Variants in ZBTB10 observed in about 807,000 individuals in gnomAD.
The protein encoded by ZBTB10 is zinc finger and BTB domain-containing protein 10.
ZBTB10 carries 32 observed loss-of-function variants against 76.4 expected under a neutral mutation model. That is an observed-to-expected ratio of 0.42 (90% confidence interval 0.32 to 0.56). ZBTB10 has a LOEUF of 0.56. ZBTB10 is among the 20% of genes least tolerant of loss of function. The pLI is 0.14. For synonymous variants in ZBTB10, 523 were observed against 432.9 expected (o/e 1.21, Z -2.58); for missense variants, 1,057 against 1,098.5 (o/e 0.96, Z 0.53).
upstream of ZBTB10, chr8:80,485,899 G>A (rs1017395999): frequency 1.3e-6 from 2 of 1,534,470 alleles, no homozygotes; most frequent in African/African-American, 1.4e-5. Context: ...TGTGGGCAGC[G>A]GGGAGGCGGC....
Position 80,486,361 on chromosome 8 carries a change from T to A in ZBTB10, c.-450T>A. 1 of 987,038 alleles carries A rather than the reference T, an allele frequency of 1.0e-6. No homozygotes were observed. Among genetic ancestry groups the A allele is most frequent in the Non-Finnish European group, 1.2e-6 (1 of 832,636 alleles). The allele number at this position is 987,038 out of a possible 1,614,324, so 61.1% of individuals were successfully genotyped here. A position where few individuals can be genotyped will look rare whatever the true frequency, so the allele number is the denominator to read the frequency against. ...AGCGCCTGCGAAGCCGGCGGCGGCG[T>A]CGGGACTCCTCGGCGCGCGGAGGAA... On this transcript the variant is annotated 5_prime_UTR_variant, in exon 1 of 6. Transcript: ENST00000455036.
At chr8:80,518,081 G>C (rs542085985) in intron 3 of ZBTB10, among the ~76,000 whole-genome samples, 7 of 151,740 alleles carry the variant, frequency 4.6e-5, no homozygotes, top group African/African-American at 1.7e-4. Context: ...TGCCCAGGCT[G>C]GTTGCAAACT....
At chr8:80,501,813 G>A (rs113107319) in intron 2 of ZBTB10, among the ~76,000 whole-genome samples, 39 of 152,278 alleles carry the variant, frequency 2.6e-4, no homozygotes, top group African/African-American at 9.4e-4. Context: ...GTTAAATGAA[G>A]TATTAAGGGT....
intron 2 of ZBTB10, among the ~76,000 whole-genome samples, chr8:80,508,330 A>C (rs955256359): frequency 2.6e-5 from 4 of 152,172 alleles, no homozygotes; most frequent in African/African-American, 9.7e-5. Flanking sequence ...AGATAGTGTA[A>C]ATTTTCATTC....
Position 80,525,998 on chromosome 8 carries a change from A to G in ZBTB10, c.*6470A>G, listed in dbSNP as rs1012274804. ...GATAATGTTACTGCAAGATGTAATG[A>G]CCAAATCCAACCTACTGCAAATGTT... is the stretch of plus-strand genomic sequence containing the variant. On this transcript the variant is annotated 3_prime_UTR_variant, in exon 6 of 6. Transcript: ENST00000455036. 3.3e-5 allele frequency: 5 copies of G among 152,154 alleles called. No homozygotes were observed. Among genetic ancestry groups the G allele is most frequent in the African/African-American group, 1.2e-4 (5 of 41,456 alleles). 9.4% of individuals were successfully genotyped at this position (152,154 alleles called of 1,614,324 possible). A position where few individuals can be genotyped will look rare whatever the true frequency, so the allele number is the denominator to read the frequency against.
Position 80,518,970 on chromosome 8 carries a change from T to TA in ZBTB10, c.2310+17dup, listed in dbSNP as rs748181621. 4 of 1,578,916 alleles carry TA rather than the reference T, an allele frequency of 2.5e-6. No homozygotes were observed. The highest frequency in any genetic ancestry group is 3.4e-6 in the Non-Finnish European group (4 of 1,160,788). ...ACATTCCCTGGTAAGTAACTTTAAA[T>TA]ACAGCTGATCTTTGAGATAAACTAT... On this transcript the variant is annotated intron_variant, in intron 5 of 5. Coordinates refer to ENST00000455036, the MANE Select transcript of ZBTB10 (RefSeq NM_001105539.3).
Position 80,487,182 on chromosome 8 carries a change from C to T in ZBTB10, c.372C>T (p.Ala124=), listed in dbSNP as rs545241391. ...CGGAAAGGAACCGTCGGACTCTGGC[C>T]TTCCGAGGCGGCGGCGGCGGGGGTC... ...LLAERNRRTL[A]FRGGGGGGLG... The change falls in exon 1 of 6, where the codon GCC becomes GCT. Residue 124 remains alanine (A), a synonymous_variant. Transcript: ENST00000455036. The T allele has an allele frequency of 2.3e-4, 350 of 1,536,436 alleles. 2 individuals carry two copies. In the South Asian group the frequency reaches 4.0e-3, roughly 18 times the overall value.
At position 80,523,061 on chromosome 8, in the gene ZBTB10, C is replaced by A. The variant is rs913811560; in HGVS notation, c.*3533C>A. On this transcript the variant is annotated 3_prime_UTR_variant, in exon 6 of 6. Transcript: ENST00000455036. ...TTTTTTTTTGAGTGCCCACACTTGC[C>A]GTTGTGCTGTATACATGATTTTACC... 37 of 151,558 alleles carry A rather than the reference C, an allele frequency of 2.4e-4. No homozygotes were observed. In the South Asian group the frequency reaches 5.4e-3, roughly 22 times the overall value. The allele number at this position is 151,558 out of a possible 1,614,324, so 9.4% of individuals were successfully genotyped here. A position where few individuals can be genotyped will look rare whatever the true frequency, so the allele number is the denominator to read the frequency against.
chr8:80,507,439 C>T (rs1199716186), intron 2 of ZBTB10, among the ~76,000 whole-genome samples: 5 of 151,932 alleles, frequency 3.3e-5, no homozygotes, highest in African/African-American at 4.8e-5. Flanking sequence ...AGTGAAACCC[C>T]GTCTCTACTA....
In ZBTB10 at chr8:80,521,940, G is replaced by T. The variant is rs1816457032; in HGVS notation, c.*2412G>T. On this transcript the variant is annotated 3_prime_UTR_variant, in exon 6 of 6. Transcript: ENST00000455036. ...TCAATTGAAATATGATACTTTAAAA[G>T]TTTGTTTTTAGGTAATCCAAAGGAA... 6.6e-6 allele frequency: 1 copy of T among 151,772 alleles called. No homozygotes were observed. The highest frequency in any genetic ancestry group is 2.4e-5 in the African/African-American group (1 of 41,414). The allele number at this position is 151,772 out of a possible 1,614,324, so 9.4% of individuals were successfully genotyped here.
Position 80,486,789 on chromosome 8 carries a change from G to GGCA in ZBTB10, c.-20_-19insAGC, listed in dbSNP as rs1360344120. Reference sequence around the variant, plus strand: ...CCGTGCGCGAGCCGGGGCACCGGGCGGCGGCGGCGGCGGCGCGCGCCATGT... The same window carrying GGCA: ...CCGTGCGCGAGCCGGGGCACCGGGCGGCAGCGGCGGCGGCGGCGCGCGCCATGT... On this transcript the variant is annotated 5_prime_UTR_variant, in exon 1 of 6. Transcript: ENST00000455036. 1 of 1,393,648 alleles carries GGCA rather than the reference G, an allele frequency of 7.2e-7. No individual in the cohort carries two copies. The highest frequency in any genetic ancestry group is 9.3e-7 in the Non-Finnish European group (1 of 1,078,954). 86.3% of individuals were successfully genotyped at this position (1,393,648 alleles called of 1,614,324 possible). A position where few individuals can be genotyped will look rare whatever the true frequency, so the allele number is the denominator to read the frequency against.
chr8:80,514,383 G>C (rs1323158471), intron 3 of ZBTB10, among the ~76,000 whole-genome samples: 1 of 152,162 alleles, frequency 6.6e-6, no homozygotes, highest in Non-Finnish European at 1.5e-5. Flanking sequence ...AGAAAATGTT[G>C]ATTAGTTCTG....
intron 1 of ZBTB10, among the ~76,000 whole-genome samples, chr8:80,488,421 T>G (rs1036910185): frequency 1.3e-5 from 2 of 152,258 alleles, no homozygotes; most frequent in African/African-American, 4.8e-5. Context: ...GGTAAATTAT[T>G]GTAGTTTTTA....
At chr8:80,485,979 C>G, upstream of ZBTB10, 1 of 1,230,524 alleles carries the variant, frequency 8.1e-7, no homozygotes, top group Non-Finnish European at 1.1e-6. Context: ...CCCGCCCCCT[C>G]CCTGAGACCC....
rs548736312 is a variant in ZBTB10 at position 80,501,038 on chromosome 8, G to A, written c.1861+656G>A. Among the ~76,000 whole-genome samples the A allele has an allele frequency of 2.0e-3, 308 of 152,164 alleles. 3 individuals are homozygous for A. The highest frequency in any genetic ancestry group is 3.7e-3 in the Non-Finnish European group (252 of 67,998). On this transcript the variant is annotated intron_variant, in intron 2 of 5. Coordinates refer to ENST00000455036, the MANE Select transcript of ZBTB10 (RefSeq NM_001105539.3). ...CGTGCCACCACACCCAGCTAATTTT[G>A]TATTTTTAGTAGAGATGGGGTTTCA...
At chr8:80,489,514 C>G (rs1815569242) in intron 1 of ZBTB10, among the ~76,000 whole-genome samples, 1 of 152,146 alleles carries the variant, frequency 6.6e-6, no homozygotes. Context: ...TCAGCATAGT[C>G]TCTCCCTGTA....
intron 1 of ZBTB10, among the ~76,000 whole-genome samples, chr8:80,489,396 G>T (rs1438284821): frequency 1.3e-5 from 2 of 152,202 alleles, no homozygotes; most frequent in Non-Finnish European, 2.9e-5. Flanking sequence ...AGTTGCAAGG[G>T]ACTTGTGAAA....
Position 80,487,396 on chromosome 8 carries a change from G to C in ZBTB10, c.586G>C (p.Gly196Arg). The C allele has an allele frequency of 6.5e-7, 1 of 1,534,854 alleles. No homozygotes were observed. The highest frequency in any genetic ancestry group is 8.8e-7 in the Non-Finnish European group (1 of 1,137,900). ...DEEEGASLGD[G>R]SGAEGGSCSS... ...GGAGGAGGGGGCGAGCCTGGGCGACGGCAGCGGGGCGGAAGGCGGCAGCTG... is the reference window on the plus strand; with the variant it reads ...GGAGGAGGGGGCGAGCCTGGGCGACCGCAGCGGGGCGGAAGGCGGCAGCTG... Residue 196 changes from glycine to arginine, a missense_variant, in exon 1 of 6, where the codon GGC becomes CGC. Transcript: ENST00000455036.
chr8:80,486,938 AGCCGAGACAGCCCCC>A lies in ZBTB10; in HGVS notation c.133_147del (p.Arg45_Pro49del), dbSNP rs1815480259. 1.3e-6 allele frequency: 2 copies of A among 1,512,098 alleles called. No individual in the cohort carries two copies. The highest frequency in any genetic ancestry group is 2.5e-5 in the South Asian group (2 of 81,482). 93.7% of individuals were successfully genotyped at this position (1,512,098 alleles called of 1,614,324 possible). Reference sequence around the variant, plus strand: ...GCCTCAGCTTGGCCTCCGCAGCCCCAGCCGAGACAGCCCCCGCCGCCAGCGCCGCCCGCGCTTCAG... The same window carrying A: ...GCCTCAGCTTGGCCTCCGCAGCCCCAGCCGCCAGCGCCGCCCGCGCTTCAG... On this transcript the variant is annotated inframe_deletion, in exon 1 of 6. Coordinates refer to ENST00000455036, the MANE Select transcript of ZBTB10 (RefSeq NM_001105539.3).
Sources: gnomAD v4.1 joint callset for allele counts (sites outside exome capture counted in the v4.1 genomes callset) on GRCh38, gnomAD v4.1.1 for gene constraint, MANE v1.5 for transcripts, NCBI Gene and HGNC (gene_info 2026-07-23, HGNC 2026-07-21) for gene names.